The following COL22A1 variants were observed in gnomAD, a reference collection of about 807,000 sequenced individuals.
The protein encoded by COL22A1 is collagen type XXII alpha 1 chain, also known as collagen alpha-1(XXII) chain.
Under a neutral mutation model 248.9 loss-of-function variants are expected in COL22A1, and 221 were observed. The observed-to-expected ratio is 0.89, with a 90% CI of 0.80 to 0.99. The LOEUF is 0.99. Ranked by LOEUF, COL22A1 falls within the 50% of genes least tolerant of loss-of-function variation. COL22A1 has a pLI of 0.00. For missense variants in COL22A1, 2,240 were observed against 2,179.0 expected (o/e 1.03, Z -0.56); for synonymous variants, 891 against 793.4 (o/e 1.12, Z -2.07).
Position 138,722,086 on chromosome 8 carries a change from G to A in COL22A1, c.2251C>T (p.Pro751Ser). The A allele has an allele frequency of 1.3e-6, 2 of 1,581,840 alleles. No individual in the cohort carries two copies. The highest frequency in any genetic ancestry group is 1.7e-6 in the Non-Finnish European group (2 of 1,162,108). The change falls in exon 26 of 65, where the codon CCC (proline) becomes TCC (serine). Residue 751 changes from proline (P) to serine (S), a missense_variant. Transcript: ENST00000303045. ...CCATTTGGCCCGTCCTTTCCAGGGG[G>A]TCCCTGGGCCAAGAGGGGAAAACAT... ...GKPGPPGPTG[P>S]PGKDGPNGPP... is the part of the protein sequence containing the mutation.
At chr8:138,718,322 T>G (rs772725082) in intron 27 of COL22A1, among the ~76,000 whole-genome samples, 4 of 152,218 alleles carry the variant, frequency 2.6e-5, no homozygotes. Flanking sequence ...ACTCAAATTG[T>G]TGCTTTCAAT....
At chr8:138,835,004 G>A (rs558753753) in intron 4 of COL22A1, among the ~76,000 whole-genome samples, 3 of 152,130 alleles carry the variant, frequency 2.0e-5, no homozygotes, top group South Asian at 2.1e-4. Flanking sequence ...AGTGAGCAGG[G>A]GCGGCACTGG....
chr8:138,725,792 CACACACAT>C (rs1183814972), intron 23 of COL22A1, among the ~76,000 whole-genome samples: 7 of 112,470 alleles, frequency 6.2e-5, no homozygotes, highest in Non-Finnish European at 1.5e-4. Flanking sequence ...CACACACACA[CACACACAT>C]AGTCTGACCC....
chr8:138,893,907 G>C (rs775170896), intron 1 of COL22A1, among the ~76,000 whole-genome samples: 10 of 152,224 alleles, frequency 6.6e-5, no homozygotes, highest in Non-Finnish European at 1.2e-4. Context: ...GGGCTTGGGA[G>C]GTCAGGGAAG....
chr8:138,806,038 GTGA>G (rs1470864185), intron 10 of COL22A1, among the ~76,000 whole-genome samples: 1 of 131,918 alleles, frequency 7.6e-6, no homozygotes, highest in Admixed American at 7.3e-5. Flanking sequence ...GGTTGTGTGT[GTGA>G]TGGTGTAGGT....
At chr8:138,643,643 T>TAGACAGACAGACAGAC (rs1554728501) in intron 47 of COL22A1, among the ~76,000 whole-genome samples, 4 of 91,938 alleles carry the variant, frequency 4.4e-5, no homozygotes, top group African/African-American at 1.9e-4. Context: ...GATAGATAGA[T>TAGACAGACAGACAGAC]AGATAGACAG....
At chr8:138,667,222 A>G (rs1288804589) in intron 41 of COL22A1, among the ~76,000 whole-genome samples, 2 of 152,204 alleles carry the variant, frequency 1.3e-5, no homozygotes. Context: ...TTTGTTCAAG[A>G]GTCATTTTAC....
At chr8:138,857,059 T>C (rs1436731377) in intron 3 of COL22A1, among the ~76,000 whole-genome samples, 1 of 151,224 alleles carries the variant, frequency 6.6e-6, no homozygotes, top group Non-Finnish European at 1.5e-5. Flanking sequence ...TGTCCCCTCC[T>C]GGCCTTGCTG....
At chr8:138,784,902 C>T (rs1287769834) in intron 12 of COL22A1, among the ~76,000 whole-genome samples, 1 of 152,090 alleles carries the variant, frequency 6.6e-6, no homozygotes, top group Non-Finnish European at 1.5e-5. Flanking sequence ...GACTCCAGGC[C>T]CTAGAGTGTG....
intron 61 of COL22A1, 112 bp downstream of exon 61, chr8:138,598,607 G>A: frequency 9.6e-7 from 1 of 1,037,170 alleles, no homozygotes; most frequent in South Asian, 1.6e-5. Flanking sequence ...CATACCTTCA[G>A]TCACTAGAAG....
In COL22A1 at chr8:138,660,517, A is replaced by G. The variant is rs1340027386; in HGVS notation, c.3241-37T>C. 8 of 1,601,500 alleles carry G rather than the reference A, an allele frequency of 5.0e-6. No individual in the cohort carries two copies. In the South Asian group the frequency reaches 5.5e-5, roughly 11 times the overall value. ...AGGAAATAAAACATTAACTGTGATA[A>G]GCACACGATCCTGACCCACTCTACC... On this transcript the variant is annotated intron_variant, in intron 43 of 64. Coordinates refer to ENST00000303045, the MANE Select transcript of COL22A1 (RefSeq NM_152888.3).
intron 3 of COL22A1, among the ~76,000 whole-genome samples, chr8:138,857,266 A>G (rs1822105322): frequency 6.6e-6 from 1 of 152,070 alleles, no homozygotes; most frequent in African/African-American, 2.4e-5. Flanking sequence ...CTCAGAGCCC[A>G]CCCTCACCAC....
Position 138,724,579 on chromosome 8 carries a change from G to A in COL22A1, c.2247+36C>T, listed in dbSNP as rs780495004. The stretch of plus-strand genomic sequence containing the variant: ...CTCCCCCCAGAGCAATGGGGAGAGG[G>A]AGGAGGGGAGCAGGAAGATGTTTCC... On this transcript the variant is annotated intron_variant, in intron 25 of 64. Transcript: ENST00000303045. 1.9e-6 allele frequency: 3 copies of A among 1,603,992 alleles called. No individual in the cohort carries two copies. The Admixed American group carries it at 5.0e-5, about 27-fold the overall frequency.
intron 18 of COL22A1, among the ~76,000 whole-genome samples, chr8:138,756,706 G>T (rs1406577749): frequency 2.6e-5 from 4 of 152,050 alleles, no homozygotes; most frequent in Non-Finnish European, 2.9e-5. Context: ...GGCTAAGGGG[G>T]AAGAGTGAAT....
intron 40 of COL22A1, among the ~76,000 whole-genome samples, chr8:138,677,694 C>T (rs1349977665): frequency 1.3e-5 from 2 of 152,228 alleles, no homozygotes; most frequent in East Asian, 3.8e-4. Context: ...GCCCCAGATA[C>T]TATCATAAAT....
At chr8:138,589,773 G>A (rs1460198481) in intron 64 of COL22A1, among the ~76,000 whole-genome samples, 1 of 152,148 alleles carries the variant, frequency 6.6e-6, no homozygotes, top group Non-Finnish European at 1.5e-5. Flanking sequence ...CTGGCCTTCT[G>A]GGTTCTTACA....
rs1376456184 is a variant in COL22A1 at position 138,794,423 on chromosome 8, G to A, written c.1596+2396C>T. Among the ~76,000 whole-genome samples the A allele has an allele frequency of 3.3e-5, 5 of 152,002 alleles. No homozygotes were observed. The South Asian group carries it at 8.3e-4, about 25-fold the overall frequency. ...AAAGGAGCTGCTGAACATGTTGGTG[G>A]GAACGCAGATGGTCTCACCACTGTG... On this transcript the variant is annotated intron_variant, in intron 12 of 64. Coordinates refer to ENST00000303045, the MANE Select transcript of COL22A1 (RefSeq NM_152888.3).
intron 22 of COL22A1, among the ~76,000 whole-genome samples, chr8:138,749,732 C>G (rs1437968520): frequency 2.0e-5 from 3 of 152,208 alleles, no homozygotes; most frequent in African/African-American, 4.8e-5. Context: ...TGGATCAGCA[C>G]TTCAATCCCA....
intron 56 of COL22A1, among the ~76,000 whole-genome samples, chr8:138,613,116 T>C (rs1007305462): frequency 4.3e-4 from 63 of 147,978 alleles, no homozygotes; most frequent in African/African-American, 1.5e-3. Flanking sequence ...GGCGTGGTGG[T>C]GGGCACCTGT....
Sources: allele counts gnomAD v4.1 joint callset (sites outside exome capture counted in the v4.1 genomes callset), GRCh38; gene constraint gnomAD v4.1.1; transcripts MANE v1.5; gene names NCBI Gene and HGNC (gene_info 2026-07-23, HGNC 2026-07-21).